Variants in GRID1 observed in about 807,000 individuals in gnomAD.
The protein encoded by GRID1 is glutamate ionotropic receptor delta type subunit 1.
A neutral mutation model predicts 98.0 loss-of-function variants in GRID1; 28 were observed. The observed-to-expected ratio is 0.29, with a 90% CI of 0.21 to 0.39. GRID1 has a LOEUF of 0.39. GRID1 is among the 10% of genes least tolerant of loss of function. The pLI, the probability that GRID1 is intolerant of heterozygous loss-of-function variation, is 1.00. For missense variants in GRID1, 1,111 were observed against 1,340.5 expected, an observed-to-expected ratio of 0.83 and a Z score of 2.67; for synonymous variants, 553 against 538.5, an observed-to-expected ratio of 1.03 and a Z score of -0.37.
intron 2 of GRID1, among the ~76,000 whole-genome samples, chr10:86,213,207 G>A (rs954920859): frequency 5.9e-5 from 9 of 152,066 alleles, no homozygotes; most frequent in African/African-American, 2.2e-4. Context: ...CCAACTAGGA[G>A]TCAACTCAGG....
intron 4 of GRID1, among the ~76,000 whole-genome samples, chr10:85,948,890 A>G (rs1363139319): frequency 6.6e-6 from 1 of 152,222 alleles, no homozygotes; most frequent in African/African-American, 2.4e-5. Flanking sequence ...CTGAAAGGTA[A>G]TACGATATTT....
At chr10:86,268,096 C>A (rs1326494636) in intron 2 of GRID1, among the ~76,000 whole-genome samples, 1 of 152,162 alleles carries the variant, frequency 6.6e-6, no homozygotes, top group Non-Finnish European at 1.5e-5. Context: ...TCTGGAGGGG[C>A]CCCTCTCCAC....
intron 4 of GRID1, among the ~76,000 whole-genome samples, chr10:85,971,665 T>C (rs1224845819): frequency 6.6e-6 from 1 of 152,134 alleles, no homozygotes; most frequent in Non-Finnish European, 1.5e-5. Flanking sequence ...GCCTTTGGAA[T>C]AGCTGAAATT....
intron 4 of GRID1, among the ~76,000 whole-genome samples, chr10:86,087,533 T>TGTGTGTGTGTGTGA (rs1258846667): frequency 4.6e-5 from 7 of 151,924 alleles, no homozygotes; most frequent in African/African-American, 1.5e-4. Context: ...TGTGTGTGTG[T>TGTGTGTGTGTGTGA]GTGTTTTCTG....
At chr10:85,849,219 G>T (rs888007340) in intron 8 of GRID1, among the ~76,000 whole-genome samples, 1 of 152,218 alleles carries the variant, frequency 6.6e-6, no homozygotes, top group African/African-American at 2.4e-5. Context: ...GCACGAGGAT[G>T]TTAATGATGC....
chr10:86,190,929 C>A (rs1419670139), intron 3 of GRID1, among the ~76,000 whole-genome samples: 2 of 152,192 alleles, frequency 1.3e-5, no homozygotes, highest in Non-Finnish European at 2.9e-5. Flanking sequence ...TGTGTACCTG[C>A]ATGCACATGT....
chr10:86,027,904 T>C (rs1163598393), intron 4 of GRID1, among the ~76,000 whole-genome samples: 1 of 152,198 alleles, frequency 6.6e-6, no homozygotes, highest in Non-Finnish European at 1.5e-5. Flanking sequence ...TGGCTGTATA[T>C]AGACAAGAGA....
At chr10:85,918,175 T>C (rs916182162) in intron 4 of GRID1, among the ~76,000 whole-genome samples, 8 of 152,178 alleles carry the variant, frequency 5.3e-5, no homozygotes, top group African/African-American at 1.9e-4. Context: ...GAGGATGTCA[T>C]AACATCTCAG....
intron 15 of GRID1, among the ~76,000 whole-genome samples, chr10:85,603,180 G>A (rs1477023936): frequency 3.9e-5 from 6 of 152,214 alleles, no homozygotes; most frequent in East Asian, 1.9e-4. Context: ...GCTCAGGAAG[G>A]TTCAATGATT....
intron 4 of GRID1, among the ~76,000 whole-genome samples, chr10:85,981,505 C>T (rs563001216): frequency 2.6e-5 from 4 of 152,306 alleles, no homozygotes; most frequent in Admixed American, 1.3e-4. Flanking sequence ...TGGCAAAGGA[C>T]TTAATGTCGG....
At chr10:86,231,005 G>C (rs1846442814) in intron 2 of GRID1, among the ~76,000 whole-genome samples, 2 of 152,164 alleles carry the variant, frequency 1.3e-5, no homozygotes, top group African/African-American at 4.8e-5. Flanking sequence ...CTTTCCCGAG[G>C]ACCAGGCCTC....
intron 6 of GRID1, among the ~76,000 whole-genome samples, chr10:85,857,682 A>T (rs1166261469): frequency 4.6e-5 from 7 of 152,222 alleles, no homozygotes; most frequent in Admixed American, 4.6e-4. Context: ...ACGCCTAAGC[A>T]GCAAGTCGTC....
At position 86,364,041 on chromosome 10, in the gene GRID1, T is replaced by A; in HGVS notation, c.135A>T (p.Val45=). ...TGTCATCGTTGAGGCTCAGGTCGGA[T>A]ACCGCCAACTGGAACACCCTGTCGT... is the stretch of plus-strand genomic sequence containing the variant. The part of the protein sequence containing the change: ...AKDDRVFQLA[V]SDLSLNDDIL... Residue 45 remains valine, a synonymous_variant, in exon 2 of 16, where the codon GTA becomes GTT. Transcript: ENST00000327946. 8.1e-6 allele frequency: 13 copies of A among 1,613,976 alleles called. No individual in the cohort carries two copies. Among genetic ancestry groups the A allele is most frequent in the Non-Finnish European group, 1.1e-5 (13 of 1,179,842 alleles).
At chr10:85,634,484 T>C (rs938128162) in intron 13 of GRID1, among the ~76,000 whole-genome samples, 2 of 152,098 alleles carry the variant, frequency 1.3e-5, no homozygotes, top group Non-Finnish European at 2.9e-5. Flanking sequence ...ATGACAATGA[T>C]AATAACAGTA....
chr10:85,915,363 T>C (rs1288942905), intron 5 of GRID1, among the ~76,000 whole-genome samples: 1 of 151,700 alleles, frequency 6.6e-6, no homozygotes, highest in East Asian at 1.9e-4. Flanking sequence ...CACTCATACA[T>C]ACATACACAC....
intron 4 of GRID1, among the ~76,000 whole-genome samples, chr10:85,963,883 G>A (rs766408876): frequency 1.6e-4 from 24 of 152,130 alleles, no homozygotes; most frequent in Non-Finnish European, 3.1e-4. Flanking sequence ...TACTTAAAAG[G>A]TCCTCATATC....
At chr10:86,101,998 A>G (rs1014628815) in intron 4 of GRID1, among the ~76,000 whole-genome samples, 1 of 152,192 alleles carries the variant, frequency 6.6e-6, no homozygotes, top group Non-Finnish European at 1.5e-5. Flanking sequence ...AAGCCGCTAT[A>G]AGCATTCACA....
intron 2 of GRID1, among the ~76,000 whole-genome samples, chr10:86,283,300 G>A (rs1194602523): frequency 6.6e-6 from 1 of 152,176 alleles, no homozygotes; most frequent in Non-Finnish European, 1.5e-5. Flanking sequence ...GCACAGGTTG[G>A]GGAGGGGGAA....
chr10:85,618,281 CA>C (rs754269578), intron 14 of GRID1, among the ~76,000 whole-genome samples: 38 of 152,044 alleles, frequency 2.5e-4, no homozygotes, highest in Non-Finnish European at 4.3e-4. Context: ...GGTACATGAG[CA>C]GTCTTGGTGC....
Sources: allele counts gnomAD v4.1 joint callset (sites outside exome capture counted in the v4.1 genomes callset), GRCh38; gene constraint gnomAD v4.1.1; transcripts MANE v1.5; gene names NCBI Gene and HGNC (gene_info 2026-07-23, HGNC 2026-07-21).